Variants in KCNMB2 observed in about 807,000 individuals in gnomAD.
The protein encoded by KCNMB2 is calcium-activated potassium channel subunit beta-2.
KCNMB2 carries 9 observed loss-of-function variants against 24.5 expected under a neutral mutation model. That is an observed-to-expected ratio of 0.37 (90% confidence interval 0.22 to 0.64). The LOEUF (loss-of-function observed/expected upper bound fraction) is 0.64, where lower values mean the gene tolerates loss of function less well. Ranked by LOEUF, KCNMB2 falls within the 30% of genes least tolerant of loss-of-function variation. The probability of loss-of-function intolerance (pLI) is 0.63; values close to 1 mark genes in which losing one functional copy is unlikely to be tolerated. For synonymous variants in KCNMB2, 109 were observed against 104.4 expected, an observed-to-expected ratio of 1.04 and a Z score of -0.27; for missense variants, 226 against 284.3, an observed-to-expected ratio of 0.79 and a Z score of 1.47.
At chr3:178,675,055 T>C (rs1286696896) in intron 1 of KCNMB2, among the ~76,000 whole-genome samples, 2 of 152,206 alleles carry the variant, frequency 1.3e-5, no homozygotes, top group Non-Finnish European at 2.9e-5. Flanking sequence ...AGGACAGAAA[T>C]AGTCTTATTG....
At chr3:178,672,024 T>A (rs1009782164) in intron 1 of KCNMB2, among the ~76,000 whole-genome samples, 2 of 152,192 alleles carry the variant, frequency 1.3e-5, no homozygotes, top group African/African-American at 4.8e-5. Context: ...TCACTGGGCA[T>A]GTTACCAAAC....
chr3:178,611,016 G>A (rs575625512), intron 1 of KCNMB2, among the ~76,000 whole-genome samples: 9 of 152,196 alleles, frequency 5.9e-5, no homozygotes, highest in South Asian at 4.1e-4. Context: ...GGAAGTATTC[G>A]CTCCTCCTCT....
chr3:178,765,300 T>C (rs1025871514), intron 1 of KCNMB2, among the ~76,000 whole-genome samples: 9 of 152,178 alleles, frequency 5.9e-5, no homozygotes, highest in Non-Finnish European at 1.2e-4. Flanking sequence ...AAAAGATGCC[T>C]GTCACTGGCC....
intron 1 of KCNMB2, among the ~76,000 whole-genome samples, chr3:178,696,120 A>G (rs1721866221): frequency 6.6e-6 from 1 of 152,232 alleles, no homozygotes; most frequent in South Asian, 2.1e-4. Context: ...GGCAGCAGGA[A>G]GGAGAAGAAT....
At chr3:178,770,175 T>C (rs948087700) in intron 1 of KCNMB2, among the ~76,000 whole-genome samples, 9 of 152,334 alleles carry the variant, frequency 5.9e-5, no homozygotes, top group African/African-American at 2.2e-4. Flanking sequence ...TAAATTCTAG[T>C]TGCCCAAGTT....
At chr3:178,775,222 AT>A (rs1014976563) in intron 1 of KCNMB2, among the ~76,000 whole-genome samples, 67 of 152,178 alleles carry the variant, frequency 4.4e-4, no homozygotes, top group African/African-American at 9.6e-4. Flanking sequence ...CATAAATTAC[AT>A]TTTTTTTAAA....
chr3:178,678,757 G>A (rs983080753), intron 1 of KCNMB2, among the ~76,000 whole-genome samples: 10 of 152,164 alleles, frequency 6.6e-5, no homozygotes, highest in Non-Finnish European at 1.0e-4. Flanking sequence ...GTGGTGAAGG[G>A]GAGACCAACA....
At chr3:178,788,968 T>A (rs1175041146) in intron 1 of KCNMB2, among the ~76,000 whole-genome samples, 1 of 152,160 alleles carries the variant, frequency 6.6e-6, no homozygotes, top group Non-Finnish European at 1.5e-5. Flanking sequence ...GATAAAGAAG[T>A]GAATGCTGAA....
chr3:178,757,244 A>G (rs1242603052), intron 1 of KCNMB2: 3 of 145,432 alleles, frequency 2.1e-5, no homozygotes, highest in Non-Finnish European at 4.5e-5. Context: ...ACACACATAC[A>G]CACATATATA....
chr3:178,686,689 C>T (rs530198043), intron 1 of KCNMB2, among the ~76,000 whole-genome samples: 1 of 152,192 alleles, frequency 6.6e-6, no homozygotes, highest in South Asian at 2.1e-4. Flanking sequence ...ATGTATGCAC[C>T]TAAGTCCATG....
At chr3:178,759,672 A>ATG (rs1355162363) in intron 1 of KCNMB2, among the ~76,000 whole-genome samples, 2 of 106,534 alleles carry the variant, frequency 1.9e-5, no homozygotes, top group African/African-American at 6.1e-5. Context: ...GGATATATAT[A>ATG]TATATATCCA....
chr3:178,774,020 G>C (rs1712480558), intron 1 of KCNMB2, among the ~76,000 whole-genome samples: 1 of 152,172 alleles, frequency 6.6e-6, no homozygotes. Flanking sequence ...TGTCTGGTGA[G>C]AGACCACTCC....
chr3:178,742,565 G>A (rs1559998067), intron 1 of KCNMB2, among the ~76,000 whole-genome samples: 1 of 152,300 alleles, frequency 6.6e-6, no homozygotes, highest in East Asian at 1.9e-4. Flanking sequence ...AGACAAAGAT[G>A]TCAATTAAGC....
intron 1 of KCNMB2, among the ~76,000 whole-genome samples, chr3:178,756,558 T>C (rs534478498): frequency 6.0e-4 from 92 of 152,292 alleles, no homozygotes; most frequent in African/African-American, 2.0e-3. Flanking sequence ...AAATTTTTCC[T>C]GAACCTGGGT....
chr3:178,588,009 G>T (rs774936571), intron 1 of KCNMB2, among the ~76,000 whole-genome samples: 1 of 150,998 alleles, frequency 6.6e-6, no homozygotes, highest in Non-Finnish European at 1.5e-5. Flanking sequence ...CTGTCCTTGC[G>T]ACAGTCTGCT....
At chr3:178,788,075 T>C (rs1204173350) in intron 1 of KCNMB2, among the ~76,000 whole-genome samples, 6 of 152,172 alleles carry the variant, frequency 3.9e-5, no homozygotes, top group African/African-American at 1.4e-4. Flanking sequence ...AGAGCTCTTA[T>C]TACAGTTTGA....
intron 1 of KCNMB2, among the ~76,000 whole-genome samples, chr3:178,703,671 G>A (rs1036682600): frequency 2.5e-4 from 38 of 152,162 alleles, no homozygotes; most frequent in Admixed American, 1.2e-3. Context: ...GCATAAATGA[G>A]TCATAAAAAC....
chr3:178,563,366 G>A (rs1716392694), intron 1 of KCNMB2, among the ~76,000 whole-genome samples: 1 of 152,130 alleles, frequency 6.6e-6, no homozygotes, highest in Non-Finnish European at 1.5e-5. Flanking sequence ...AAGCTTAAAC[G>A]AGTTGTTTCT....
chr3:178,594,492 A>G (rs971687650), intron 1 of KCNMB2, among the ~76,000 whole-genome samples: 1 of 151,940 alleles, frequency 6.6e-6, no homozygotes, highest in Non-Finnish European at 1.5e-5. Flanking sequence ...ATCAAAGATG[A>G]CCCCCATGTT....
Sources: gnomAD v4.1 joint callset for allele counts (sites outside exome capture counted in the v4.1 genomes callset) on GRCh38, gnomAD v4.1.1 for gene constraint, MANE v1.5 for transcripts, NCBI Gene and HGNC (gene_info 2026-07-23, HGNC 2026-07-21) for gene names.